Variants in CMIP observed in about 807,000 individuals in gnomAD.
The protein encoded by CMIP is C-Maf-inducing protein.
Under a neutral mutation model 97.3 loss-of-function variants are expected in CMIP, and 13 were observed. That is an observed-to-expected ratio of 0.13 (90% CI 0.09 to 0.21). The LOEUF (loss-of-function observed/expected upper bound fraction) is 0.21. Ranked by LOEUF, CMIP falls within the 10% of genes least tolerant of loss-of-function variation. CMIP has a pLI of 1.00. For missense variants in CMIP, 847 were observed against 1,024.9 expected (o/e 0.83, Z 2.37); for synonymous variants, 538 against 436.3 (o/e 1.23, Z -2.91).
At chr16:81,651,313 G>A (rs1023360801) in intron 3 of CMIP, 35 of 463,714 alleles carry the variant, frequency 7.5e-5, no homozygotes, top group African/African-American at 1.7e-4. Context: ...TCCGCCTTCC[G>A]AGGGCCTCCG....
intron 10 of CMIP, among the ~76,000 whole-genome samples, chr16:81,690,771 A>C (rs187187736): frequency 6.6e-6 from 1 of 152,272 alleles, no homozygotes; most frequent in East Asian, 1.9e-4. Context: ...CTAGAAATAC[A>C]AAAAATTAGC....
chr16:81,606,599 C>G (rs2091748404), intron 1 of CMIP, among the ~76,000 whole-genome samples: 1 of 152,204 alleles, frequency 6.6e-6, no homozygotes, highest in Non-Finnish European at 1.5e-5. Context: ...GTTTCTCATT[C>G]TTTTCAACAC....
intron 19 of CMIP, among the ~76,000 whole-genome samples, chr16:81,706,755 G>A (rs921325946): frequency 2.6e-5 from 4 of 152,188 alleles, no homozygotes; most frequent in African/African-American, 9.6e-5. Context: ...GGGGGCACAC[G>A]ACAGAGGGAC....
Position 81,564,069 on chromosome 16 carries a change from T to TTGATATATGTGGTC in CMIP, c.301-43494_301-43481dup, listed in dbSNP as rs59090479. The stretch of plus-strand genomic sequence containing the variant: ...TTCTACCTAGCAGTTTTAGGACAGA[T>TTGATATATGTGGTC]TGATATATGTGGTCTGAAAAAGCCA... On this transcript the variant is annotated intron_variant, in intron 1 of 20. Coordinates refer to ENST00000537098, the MANE Select transcript of CMIP (RefSeq NM_198390.3). 2.6e-5 allele frequency among the ~76,000 whole-genome samples: 4 copies of TTGATATATGTGGTC among 152,322 alleles called. No homozygotes were observed. In the East Asian group the frequency reaches 7.7e-4, roughly 29 times the overall value.
intron 1 of CMIP, among the ~76,000 whole-genome samples, chr16:81,564,644 A>G (rs1262453680): frequency 2.0e-5 from 3 of 152,184 alleles, no homozygotes; most frequent in East Asian, 1.9e-4. Context: ...TCTTGAGACA[A>G]TGGGGCAGTG....
chr16:81,496,204 C>T (rs954567799), intron 1 of CMIP, among the ~76,000 whole-genome samples: 15 of 152,238 alleles, frequency 9.9e-5, no homozygotes, highest in African/African-American at 2.9e-4. Context: ...TAAACAGGGC[C>T]TGGACCATAG....
At chr16:81,578,728 C>T (rs2091244643) in intron 1 of CMIP, among the ~76,000 whole-genome samples, 1 of 152,252 alleles carries the variant, frequency 6.6e-6, no homozygotes, top group Non-Finnish European at 1.5e-5. Flanking sequence ...CATACATCCT[C>T]TGTGTCCCTC....
At chr16:81,643,109 A>G (rs12447549) in intron 3 of CMIP, among the ~76,000 whole-genome samples, 74,620 of 152,032 alleles carry the variant, frequency 0.49, 21,497 homozygotes, top group Non-Finnish European at 0.65. Flanking sequence ...AACACAAGCT[A>G]TGTGACCTGC....
chr16:81,548,051 G>A (rs1371680711), intron 1 of CMIP, among the ~76,000 whole-genome samples: 1 of 151,992 alleles, frequency 6.6e-6, no homozygotes, highest in Admixed American at 6.6e-5. Flanking sequence ...TTTATCTAGG[G>A]CTTACCTTGA....
At chr16:81,489,882 T>C (rs1293533825) in intron 1 of CMIP, among the ~76,000 whole-genome samples, 1 of 152,250 alleles carries the variant, frequency 6.6e-6, no homozygotes, top group African/African-American at 2.4e-5. Context: ...TTTGACCTTT[T>C]CTAGGGGTTC....
At chr16:81,495,320 A>G in intron 1 of CMIP, 2 of 1,453,144 alleles carry the variant, frequency 1.4e-6, no homozygotes, top group Non-Finnish European at 1.8e-6. Flanking sequence ...AGGCTGGTTC[A>G]GTGATAAGCA....
At chr16:81,684,995 A>G (rs1905235497) in intron 10 of CMIP, among the ~76,000 whole-genome samples, 1 of 152,208 alleles carries the variant, frequency 6.6e-6, no homozygotes, top group African/African-American at 2.4e-5. Flanking sequence ...TCTGCTGGCC[A>G]CTGGGTCCTG....
At chr16:81,645,050 C>A (rs1426308070) in intron 3 of CMIP, among the ~76,000 whole-genome samples, 2 of 152,218 alleles carry the variant, frequency 1.3e-5, no homozygotes, top group Non-Finnish European at 2.9e-5. Context: ...CTGTCTGCAC[C>A]ACTATAGTCA....
intron 1 of CMIP, among the ~76,000 whole-genome samples, chr16:81,458,625 G>A (rs1373045040): frequency 1.3e-5 from 2 of 152,152 alleles, no homozygotes; most frequent in African/African-American, 2.4e-5. Flanking sequence ...TCCCCATTAC[G>A]TCTTGCAGGG....
chr16:81,705,788 A>G (rs1237363738), intron 19 of CMIP, among the ~76,000 whole-genome samples, 184 bp downstream of exon 19: 1 of 152,286 alleles, frequency 6.6e-6, no homozygotes, highest in East Asian at 1.9e-4. Flanking sequence ...GGAACAACAC[A>G]GGGAAAAATA....
intron 3 of CMIP, among the ~76,000 whole-genome samples, chr16:81,647,024 C>T (rs2092371361): frequency 6.6e-6 from 1 of 152,210 alleles, no homozygotes; most frequent in African/African-American, 2.4e-5. Context: ...TTTTAAGAAA[C>T]TTTCAAACAA....
intron 1 of CMIP, among the ~76,000 whole-genome samples, chr16:81,563,845 G>T (rs1043953535): frequency 1.3e-5 from 2 of 152,150 alleles, no homozygotes; most frequent in African/African-American, 4.8e-5. Context: ...GCACTGTCGG[G>T]GCCATTAATG....
At chr16:81,495,420 G>A (rs904759436) in intron 1 of CMIP, 12 of 1,598,004 alleles carry the variant, frequency 7.5e-6, no homozygotes, top group South Asian at 3.4e-5. Flanking sequence ...CCGGGCTGCC[G>A]CTCTGTTTCC....
chr16:81,480,230 G>A (rs988598003), intron 1 of CMIP, among the ~76,000 whole-genome samples: 23 of 152,184 alleles, frequency 1.5e-4, no homozygotes, highest in African/African-American at 5.3e-4. Flanking sequence ...ACTTACCCAA[G>A]CTCTCTCAGC....
Sources: gnomAD v4.1 joint callset for allele counts (sites outside exome capture counted in the v4.1 genomes callset) on GRCh38, gnomAD v4.1.1 for gene constraint, MANE v1.5 for transcripts, NCBI Gene and HGNC (gene_info 2026-07-23, HGNC 2026-07-21) for gene names.